NLGN1: variants seen among roughly 807,000 people sequenced by gnomAD.
The protein encoded by NLGN1 is neuroligin-1.
In NLGN1, 12 loss-of-function variants were observed where a neutral mutation model predicts 65.5. That is an observed-to-expected ratio of 0.18 (90% CI 0.12 to 0.30). The LOEUF (loss-of-function observed/expected upper bound fraction) is 0.30. NLGN1 is among the 10% of genes least tolerant of loss of function. The pLI, the probability that NLGN1 is intolerant of heterozygous loss-of-function variation, is 1.00. For missense variants in NLGN1, 750 were observed against 1,007.1 expected, an observed-to-expected ratio of 0.74 and a Z score of 3.46; for synonymous variants, 350 against 359.5, an observed-to-expected ratio of 0.97 and a Z score of 0.30.
intron 4 of NLGN1, among the ~76,000 whole-genome samples, chr3:173,860,599 C>T (rs182113031): frequency 2.6e-5 from 4 of 152,186 alleles, no homozygotes; most frequent in South Asian, 2.1e-4. Flanking sequence ...AGTTAAAATA[C>T]GTTTAAAAGA....
intron 4 of NLGN1, among the ~76,000 whole-genome samples, chr3:174,234,588 T>C (rs1288663695): frequency 6.6e-6 from 1 of 152,102 alleles, no homozygotes; most frequent in African/African-American, 2.4e-5. Context: ...TGAGCACTAG[T>C]TTTAGGTTTT....
intron 4 of NLGN1, among the ~76,000 whole-genome samples, chr3:173,898,946 AATAAAAATG>A (rs1286267913): frequency 3.7e-4 from 56 of 152,268 alleles, no homozygotes; most frequent in Admixed American, 2.8e-3. Context: ...CAATAGCAAT[AATAAAAATG>A]AAGTTTGATC....
chr3:173,616,905 A>G (rs371365750), intron 3 of NLGN1, among the ~76,000 whole-genome samples: 2 of 152,178 alleles, frequency 1.3e-5, no homozygotes, highest in East Asian at 1.9e-4. Flanking sequence ...AAATAAATGT[A>G]GAACTCCCTA....
intron 3 of NLGN1, among the ~76,000 whole-genome samples, chr3:173,664,521 A>G: frequency 6.6e-6 from 1 of 152,116 alleles, no homozygotes. Flanking sequence ...GAACAATTAA[A>G]AGTGTTAAAA....
intron 4 of NLGN1, among the ~76,000 whole-genome samples, chr3:173,977,164 A>G (rs757005693): frequency 6.6e-6 from 1 of 151,888 alleles, no homozygotes; most frequent in Non-Finnish European, 1.5e-5. Context: ...AAATGCTGCA[A>G]TAGAAAGATA....
At chr3:173,753,124 A>G (rs1434590007) in intron 3 of NLGN1, among the ~76,000 whole-genome samples, 1 of 152,036 alleles carries the variant, frequency 6.6e-6, no homozygotes, top group Non-Finnish European at 1.5e-5. Flanking sequence ...ACAGGTCTCA[A>G]TCCTTTTATT....
At chr3:173,713,630 T>C (rs560716484) in intron 3 of NLGN1, among the ~76,000 whole-genome samples, 3 of 152,286 alleles carry the variant, frequency 2.0e-5, no homozygotes, top group South Asian at 2.1e-4. Context: ...TACTATATGA[T>C]TGACTTTGGA....
chr3:173,956,205 G>T (rs1273653694), intron 4 of NLGN1, among the ~76,000 whole-genome samples: 3 of 151,960 alleles, frequency 2.0e-5, no homozygotes, highest in African/African-American at 7.2e-5. Flanking sequence ...AGATGCAAAG[G>T]GACTTATTTA....
chr3:173,607,572 A>C (rs2149457163), intron 3 of NLGN1, among the ~76,000 whole-genome samples: 1 of 151,942 alleles, frequency 6.6e-6, no homozygotes, highest in African/African-American at 2.4e-5. Flanking sequence ...CTAGAGGAGT[A>C]GAAATCATTT....
At chr3:173,857,070 T>C (rs1728131855) in intron 4 of NLGN1, among the ~76,000 whole-genome samples, 1 of 151,696 alleles carries the variant, frequency 6.6e-6, no homozygotes, top group Non-Finnish European at 1.5e-5. Flanking sequence ...AAATTTCTTA[T>C]GTAGCTCATC....
At position 174,280,498 on chromosome 3, in the gene NLGN1, T is replaced by A. The variant is rs1279998923; in HGVS notation, c.1667T>A (p.Val556Asp). The A allele has an allele frequency of 3.3e-5, 53 of 1,608,484 alleles. No individual in the cohort carries two copies. Among genetic ancestry groups the A allele is most frequent in the Non-Finnish European group, 4.1e-5 (48 of 1,177,508 alleles). The change falls in exon 7 of 7, where the codon GTC becomes GAC. Residue 556 changes from valine to aspartate, a missense_variant. Physicochemically the swap from Val to Asp is radical, Grantham distance 152 (BLOSUM62 -3). Coordinates refer to ENST00000457714, the Ensembl canonical transcript of NLGN1. The surrounding 1 kb of genome is among the most constrained non-coding windows in gnomAD (Gnocchi z 4.9). ...CTTCTTAGTGACCCAAATCAACCAG[T>A]CCCTCAAGACACGAAATTCATTCAT...
At position 173,878,608 on chromosome 3, in the gene NLGN1, T is replaced by G. The variant is rs1002946708; in HGVS notation, c.646+70776T>G. On this transcript the variant is annotated intron_variant, in intron 4 of 6. Coordinates refer to ENST00000457714, the Ensembl canonical transcript of NLGN1. ...ATTCATGCATTTATCTGTCTTTTAT[T>G]TGTTCATATAAATGAATATAAATAT... 4.0e-5 allele frequency among the ~76,000 whole-genome samples: 6 copies of G among 150,550 alleles called. No homozygotes were observed. In the East Asian group the frequency reaches 1.2e-3, roughly 29 times the overall value.
intron 2 of NLGN1, among the ~76,000 whole-genome samples, chr3:173,593,540 T>A (rs1748912072): frequency 6.6e-6 from 1 of 152,150 alleles, no homozygotes; most frequent in African/African-American, 2.4e-5. Context: ...AAGGGAGTAT[T>A]TTTATGACTT....
At chr3:173,633,259 G>A (rs55984961) in intron 3 of NLGN1, among the ~76,000 whole-genome samples, 3,959 of 152,142 alleles carry the variant, frequency 0.026, 173 homozygotes, top group African/African-American at 0.09. Flanking sequence ...ACCTTCTGTG[G>A]TGTTCAATTG....
Position 173,782,449 on chromosome 3 carries a change from T to C in NLGN1, c.494-25231T>C, listed in dbSNP as rs998075627. 7.2e-5 allele frequency among the ~76,000 whole-genome samples: 11 copies of C among 152,356 alleles called. No individual in the cohort carries two copies. In the South Asian group the frequency reaches 2.3e-3, roughly 32 times the overall value. Reference sequence around the variant, plus strand: ...AAACAAGCATGTGCATGTATGTGTGTATGTTTTGGTGAACTGATAGTATGC... The same window carrying C: ...AAACAAGCATGTGCATGTATGTGTGCATGTTTTGGTGAACTGATAGTATGC... On this transcript the variant is annotated intron_variant, in intron 3 of 6. Transcript: ENST00000457714.
intron 4 of NLGN1, among the ~76,000 whole-genome samples, chr3:174,002,067 A>C (rs1411268119): frequency 4.0e-5 from 6 of 151,848 alleles, no homozygotes; most frequent in South Asian, 2.1e-4. Context: ...AAAAAAAAAA[A>C]AAAACAAGAT....
At chr3:173,846,772 C>T (rs959427711) in intron 4 of NLGN1, among the ~76,000 whole-genome samples, 1 of 152,188 alleles carries the variant, frequency 6.6e-6, no homozygotes, top group Non-Finnish European at 1.5e-5. Context: ...TTACAGTATT[C>T]ACTCCAGTGT....
chr3:174,210,437 A>G (rs1736247052), intron 4 of NLGN1, among the ~76,000 whole-genome samples: 1 of 152,228 alleles, frequency 6.6e-6, no homozygotes, highest in Non-Finnish European at 1.5e-5. Context: ...TTCAAAGTGT[A>G]TAGTAGGCCA....
At chr3:174,108,977 G>GT (rs944521153) in intron 4 of NLGN1, among the ~76,000 whole-genome samples, 7 of 151,882 alleles carry the variant, frequency 4.6e-5, no homozygotes, top group African/African-American at 1.2e-4. Flanking sequence ...TATATAACAG[G>GT]TTTTTTATAA....
Sources: gnomAD v4.1 joint callset for allele counts (sites outside exome capture counted in the v4.1 genomes callset) on GRCh38, gnomAD v4.1.1 for gene constraint, Gnocchi (gnomAD v3.1) non-coding constraint, MANE v1.5 for transcripts, NCBI Gene and HGNC (gene_info 2026-07-23, HGNC 2026-07-21) for gene names.